PROX1: variants seen among roughly 807,000 people sequenced by gnomAD.
PROX1 encodes the protein prospero homeobox 1.
A neutral mutation model predicts 58.8 loss-of-function variants in PROX1; 7 were observed. The ratio of observed to expected loss-of-function variants is 0.12; its 90% confidence interval spans 0.07 to 0.22. The LOEUF (loss-of-function observed/expected upper bound fraction) is 0.22. Ranked by LOEUF, PROX1 falls within the 10% of genes least tolerant of loss-of-function variation. The probability of loss-of-function intolerance (pLI) is 1.00; values close to 1 mark genes in which losing one functional copy is unlikely to be tolerated. For missense variants in PROX1, 675 were observed against 927.8 expected, an observed-to-expected ratio of 0.73 and a Z score of 3.54; for synonymous variants, 350 against 358.3, an observed-to-expected ratio of 0.98 and a Z score of 0.26.
intron 3 of PROX1, among the ~76,000 whole-genome samples, chr1:214,010,531 A>T (rs1326072769): frequency 2.0e-5 from 3 of 152,038 alleles, no homozygotes; most frequent in African/African-American, 7.2e-5. Context: ...GCCTGTGATG[A>T]CAAAAGGCAG....
At chr1:213,992,511 A>C (rs1412393908) in intron 1 of PROX1, among the ~76,000 whole-genome samples, 2 of 152,098 alleles carry the variant, frequency 1.3e-5, no homozygotes, top group African/African-American at 4.8e-5. Flanking sequence ...GATTGATTTG[A>C]AATATTCTTT....
rs182752798 is a variant in PROX1, at chr1:214,026,229, C to T, written c.2029-9420C>T. On this transcript the variant is annotated intron_variant, in intron 4 of 4. Coordinates refer to ENST00000366958, the MANE Select transcript of PROX1 (RefSeq NM_001270616.2). ...GGGAGAGAAGGAAAATTTGCTTCAT[C>T]GCGACCAATAATGTGACAATTATGT... 4.6e-5 allele frequency among the ~76,000 whole-genome samples: 7 copies of T among 152,258 alleles called. No homozygotes were observed. In the East Asian group the frequency reaches 5.8e-4, roughly 13 times the overall value.
chr1:214,035,962 T>C lies in PROX1; in HGVS notation c.*128T>C, dbSNP rs1419624861. ...GGCATGGATATGTTATGAAATCAGC[T>C]GGTAATTCCTCCTCATCACGTTTCT... On this transcript the variant is annotated 3_prime_UTR_variant, in exon 5 of 5. Transcript: ENST00000366958. 5.6e-6 allele frequency: 4 copies of C among 711,670 alleles called. No individual in the cohort carries two copies. Among genetic ancestry groups the C allele is most frequent in the Non-Finnish European group, 8.3e-6 (4 of 483,330 alleles). 44.1% of individuals were successfully genotyped at this position (711,670 alleles called of 1,614,324 possible).
intron 4 of PROX1, among the ~76,000 whole-genome samples, chr1:214,025,997 A>G (rs891492050): frequency 4.6e-5 from 7 of 152,192 alleles, no homozygotes; most frequent in Non-Finnish European, 8.8e-5. Flanking sequence ...GTCTTGGTCC[A>G]GCTCTTACCT....
At chr1:214,002,098 C>G (rs1379007710) in intron 2 of PROX1, among the ~76,000 whole-genome samples, 2 of 152,174 alleles carry the variant, frequency 1.3e-5, no homozygotes, top group Non-Finnish European at 2.9e-5. Flanking sequence ...AACCCATTTG[C>G]TGGGAACTGC....
At chr1:214,023,274 T>G (rs1284270201) in intron 4 of PROX1, among the ~76,000 whole-genome samples, 1 of 152,210 alleles carries the variant, frequency 6.6e-6, no homozygotes, top group Non-Finnish European at 1.5e-5. Context: ...CTATCAGCAT[T>G]TATAATATGC....
chr1:214,015,839 C>T (rs1664075231), intron 4 of PROX1, among the ~76,000 whole-genome samples: 1 of 152,146 alleles, frequency 6.6e-6, no homozygotes, highest in Admixed American at 6.5e-5. Context: ...GTAGTGTTTC[C>T]CACGCCATGG....
At chr1:214,032,520 A>G (rs1304308765) in intron 4 of PROX1, among the ~76,000 whole-genome samples, 2 of 151,914 alleles carry the variant, frequency 1.3e-5, no homozygotes, top group African/African-American at 4.8e-5. Context: ...TCCACCTCCC[A>G]GTAGCTGGGA....
intron 3 of PROX1, among the ~76,000 whole-genome samples, chr1:214,008,226 A>AT (rs1022106098): frequency 6.6e-6 from 1 of 151,514 alleles, no homozygotes; most frequent in Non-Finnish European, 1.5e-5. Context: ...TAATTTTTGT[A>AT]TTTTTTTTAG....
intron 4 of PROX1, among the ~76,000 whole-genome samples, chr1:214,018,877 T>A (rs115842678): frequency 1.3e-5 from 2 of 152,196 alleles, no homozygotes; most frequent in East Asian, 3.9e-4. Context: ...TTGACACAAC[T>A]AATATAGTCA....
At chr1:214,011,497 C>T (rs1663908680) in intron 3 of PROX1, 24 bp from the exon 4 acceptor site, 1 of 1,583,750 alleles carries the variant, frequency 6.3e-7, no homozygotes, top group Non-Finnish European at 8.6e-7. Context: ...TGTTCTTATC[C>T]TTTTCAACAT....
At position 213,997,880 on chromosome 1, in the gene PROX1, G is replaced by A; in HGVS notation, c.1345G>A (p.Asp449Asn). ...CCTGGTTGTCCGCAAAAACTCCTCT[G>A]ACCAGTCTGCCTCCGGCCCTGCCGC... ...LPLVVRKNSS[D>N]QSASGPAAGG... Residue 449 changes from aspartate to asparagine, a missense_variant, in exon 2 of 5, where the codon GAC becomes AAC. Transcript: ENST00000366958. The surrounding 1 kb of genome is among the most constrained non-coding windows in gnomAD (Gnocchi z 7.1). The A allele has an allele frequency of 6.2e-7, 1 of 1,612,796 alleles. No individual in the cohort carries two copies. The highest frequency in any genetic ancestry group is 8.5e-7 in the Non-Finnish European group (1 of 1,179,310).
At chr1:214,017,626 A>T (rs1048974159) in intron 4 of PROX1, among the ~76,000 whole-genome samples, 11 of 151,712 alleles carry the variant, frequency 7.3e-5, no homozygotes, top group African/African-American at 2.7e-4. Flanking sequence ...GTGAGAATAG[A>T]ATTATACAAG....
At chr1:214,023,414 T>C (rs1449845783) in intron 4 of PROX1, among the ~76,000 whole-genome samples, 1 of 152,120 alleles carries the variant, frequency 6.6e-6, no homozygotes, top group African/African-American at 2.4e-5. Context: ...TGGAGTACAG[T>C]GGCATGATTT....
At chr1:214,006,915 T>C (rs979708368) in intron 3 of PROX1, among the ~76,000 whole-genome samples, 4 of 152,144 alleles carry the variant, frequency 2.6e-5, no homozygotes, top group Admixed American at 6.5e-5. Flanking sequence ...GCCAAAGAGC[T>C]TTACCAACTG....
chr1:214,039,658 C>T lies in PROX1; in HGVS notation c.*3824C>T, dbSNP rs1664941750. Reference sequence around the variant, plus strand: ...GCATTCTTGAAAATCCTGCTCTCTCCTTTTAAAAGTTAACAATCTCTTTTA... The same window carrying T: ...GCATTCTTGAAAATCCTGCTCTCTCTTTTTAAAAGTTAACAATCTCTTTTA... On this transcript the variant is annotated 3_prime_UTR_variant, in exon 5 of 5. Coordinates refer to ENST00000366958, the MANE Select transcript of PROX1 (RefSeq NM_001270616.2). 6.6e-6 allele frequency: 1 copy of T among 152,192 alleles called. No homozygotes were observed. The allele number at this position is 152,192 out of a possible 1,614,324, so 9.4% of individuals were successfully genotyped here.
chr1:214,029,853 A>C (rs1166205790), intron 4 of PROX1: 1 of 152,338 alleles, frequency 6.6e-6, no homozygotes, highest in Non-Finnish European at 1.5e-5. Flanking sequence ...TGTGAATCGG[A>C]GTTGTAAAAG....
chr1:214,023,263 A>G (rs1210078242), intron 4 of PROX1, among the ~76,000 whole-genome samples: 2 of 152,062 alleles, frequency 1.3e-5, no homozygotes, highest in African/African-American at 4.8e-5. Flanking sequence ...CTCAACACAG[A>G]CTATCAGCAT....
intron 1 of PROX1, 122 bp downstream of exon 1, chr1:213,988,605 A>G (rs1374787667): frequency 2.0e-5 from 3 of 152,214 alleles, no homozygotes; most frequent in African/African-American, 7.2e-5. Flanking sequence ...TGTAAACATT[A>G]TTCCCCCCAG....
Sources: allele counts gnomAD v4.1 joint callset (sites outside exome capture counted in the v4.1 genomes callset), GRCh38; gene constraint gnomAD v4.1.1; non-coding constraint Gnocchi (gnomAD v3.1); transcripts MANE v1.5; gene names NCBI Gene and HGNC (gene_info 2026-07-23, HGNC 2026-07-21).